The following TMEM108 variants were observed in gnomAD, a reference collection of about 807,000 sequenced individuals.
The protein encoded by TMEM108 is cancer/testis antigen 124.
TMEM108 carries 12 observed loss-of-function variants against 35.1 expected under a neutral mutation model. The ratio of observed to expected loss-of-function variants is 0.34; its 90% CI spans 0.22 to 0.55. TMEM108 has a LOEUF of 0.55. Ranked by LOEUF, TMEM108 falls within the 20% of genes least tolerant of loss-of-function variation. TMEM108 has a pLI of 0.89. For synonymous variants in TMEM108, 287 were observed against 308.6 expected, an observed-to-expected ratio of 0.93 and a Z score of 0.73; for missense variants, 680 against 753.3, an observed-to-expected ratio of 0.90 and a Z score of 1.14.
intron 2 of TMEM108, among the ~76,000 whole-genome samples, chr3:133,061,186 G>C (rs1215582040): frequency 6.7e-6 from 1 of 149,972 alleles, no homozygotes; most frequent in Non-Finnish European, 1.5e-5. Flanking sequence ...TGTGTCATTT[G>C]AATGTTTGTA....
intron 2 of TMEM108, among the ~76,000 whole-genome samples, chr3:133,160,784 G>T (rs1311504148): frequency 6.6e-6 from 1 of 152,144 alleles, no homozygotes; most frequent in Non-Finnish European, 1.5e-5. Context: ...TATGTATCTG[G>T]TATCTGGGTC....
intron 2 of TMEM108, among the ~76,000 whole-genome samples, chr3:133,216,303 G>A (rs150946291): frequency 0.014 from 2,107 of 152,142 alleles, 42 homozygotes; most frequent in African/African-American, 0.048. Context: ...TGAGAAGCAA[G>A]GTTCTATTAG....
intron 2 of TMEM108, among the ~76,000 whole-genome samples, chr3:133,114,366 A>G (rs372136888): frequency 2.8e-4 from 42 of 152,226 alleles, no homozygotes; most frequent in African/African-American, 8.4e-4. Context: ...CCCACATCTC[A>G]TCTTACAATG....
chr3:133,271,851 A>G (rs1052650375), intron 3 of TMEM108, among the ~76,000 whole-genome samples: 4 of 152,202 alleles, frequency 2.6e-5, no homozygotes, highest in Non-Finnish European at 2.9e-5. Context: ...GGTCTCTACT[A>G]TGTTTCAGCC....
At position 133,278,924 on chromosome 3, in the gene TMEM108, G is replaced by A. The variant is rs563478253; in HGVS notation, c.40+49573G>A. ...CATTTTAACAACATGTAAATTGTCC[G>A]GAGCATTCATGAAAAGTTTGAGGAC... is the stretch of plus-strand genomic sequence containing the variant. On this transcript the variant is annotated intron_variant, in intron 3 of 5. Transcript: ENST00000321871. 1.0e-3 allele frequency among the ~76,000 whole-genome samples: 156 copies of A among 152,162 alleles called. 2 individuals are homozygous for A. Among genetic ancestry groups the A allele is most frequent in the South Asian group, 4.2e-3 (20 of 4,790 alleles).
intron 3 of TMEM108, among the ~76,000 whole-genome samples, chr3:133,231,200 A>G (rs1039153248): frequency 1.3e-5 from 2 of 152,210 alleles, no homozygotes; most frequent in Non-Finnish European, 2.9e-5. Flanking sequence ...GTTATTTTAT[A>G]TAACTCATAT....
intron 2 of TMEM108, among the ~76,000 whole-genome samples, chr3:133,180,683 T>G (rs911897366): frequency 6.6e-6 from 1 of 152,108 alleles, no homozygotes; most frequent in African/African-American, 2.4e-5. Flanking sequence ...GTTAGAAAGA[T>G]TTAACTAGCT....
At chr3:133,221,639 A>ATACATTGAT (rs1286737059) in intron 2 of TMEM108, among the ~76,000 whole-genome samples, 2 of 136,934 alleles carry the variant, frequency 1.5e-5, no homozygotes, top group African/African-American at 5.4e-5. Context: ...CTCTAGTGGC[A>ATACATTGAT]TACATTGATT....
intron 2 of TMEM108, among the ~76,000 whole-genome samples, chr3:133,139,803 G>T (rs1413763342): frequency 6.6e-6 from 1 of 152,186 alleles, no homozygotes; most frequent in Non-Finnish European, 1.5e-5. Context: ...TGTCCTGATT[G>T]CTTGCCACTG....
chr3:133,113,847 G>C (rs549926000), intron 2 of TMEM108, among the ~76,000 whole-genome samples: 2 of 152,262 alleles, frequency 1.3e-5, no homozygotes, highest in South Asian at 4.2e-4. Context: ...GCAGTTCCCA[G>C]GGTCTTGTTT....
chr3:133,209,692 T>C (rs1332251213), intron 2 of TMEM108, among the ~76,000 whole-genome samples: 5 of 152,102 alleles, frequency 3.3e-5, no homozygotes, highest in African/African-American at 1.2e-4. Flanking sequence ...TCTCCTCCAT[T>C]GCCCCCACTC....
At chr3:133,083,995 A>T (rs142637302) in intron 2 of TMEM108, among the ~76,000 whole-genome samples, 3 of 152,300 alleles carry the variant, frequency 2.0e-5, no homozygotes, top group South Asian at 4.1e-4. Flanking sequence ...TGACACGGTT[A>T]TAGGGAGCAG....
intron 2 of TMEM108, among the ~76,000 whole-genome samples, chr3:133,092,167 T>C (rs1226840844): frequency 1.3e-5 from 2 of 152,202 alleles, no homozygotes; most frequent in Non-Finnish European, 2.9e-5. Context: ...AACCCATCAT[T>C]TGAGCCTTGA....
At chr3:133,347,828 A>G (rs2071867476) in intron 3 of TMEM108, among the ~76,000 whole-genome samples, 1 of 152,108 alleles carries the variant, frequency 6.6e-6, no homozygotes, top group South Asian at 2.1e-4. Context: ...TGCAACAGAA[A>G]AACTTAATAT....
Position 133,222,847 on chromosome 3 carries a change from C to CT in TMEM108, c.-46-6410dup, listed in dbSNP as rs201055582. 1.9e-3 allele frequency among the ~76,000 whole-genome samples: 288 copies of CT among 151,420 alleles called. 1 individual carries two copies. The highest frequency in any genetic ancestry group is 5.7e-3 in the African/African-American group (237 of 41,270). On this transcript the variant is annotated intron_variant, in intron 2 of 5. Transcript: ENST00000321871. ...AACTTCCTTCATACAATTATTTGTA[C>CT]TTTTTTTTTCTCACTCTGTCACCCA...
intron 2 of TMEM108, among the ~76,000 whole-genome samples, chr3:133,225,755 T>C (rs1433763317): frequency 6.6e-6 from 1 of 152,006 alleles, no homozygotes; most frequent in Non-Finnish European, 1.5e-5. Flanking sequence ...TAGAACTCAC[T>C]GTACAAGTGG....
At chr3:133,083,189 C>T (rs9860289) in intron 2 of TMEM108, among the ~76,000 whole-genome samples, 53,520 of 138,558 alleles carry the variant, frequency 0.39, 11,158 homozygotes, top group Non-Finnish European at 0.5. Flanking sequence ...CACCCCCCGC[C>T]GCCCCACTCC....
intron 3 of TMEM108, among the ~76,000 whole-genome samples, chr3:133,379,454 G>C (rs1022788469): frequency 2.6e-5 from 4 of 152,192 alleles, no homozygotes; most frequent in South Asian, 4.1e-4. Context: ...TTGCCCTTGT[G>C]GGGAGGGCTG....
At chr3:133,197,173 T>C (rs753291351) in intron 2 of TMEM108, among the ~76,000 whole-genome samples, 38 of 152,176 alleles carry the variant, frequency 2.5e-4, no homozygotes, top group Non-Finnish European at 4.7e-4. Context: ...TCATAGTTTG[T>C]TCAGGAAAAC....
Sources: gnomAD v4.1 joint callset for allele counts (sites outside exome capture counted in the v4.1 genomes callset) on GRCh38, gnomAD v4.1.1 for gene constraint, MANE v1.5 for transcripts, NCBI Gene and HGNC (gene_info 2026-07-23, HGNC 2026-07-21) for gene names.